Variants in DACH2 observed in about 807,000 individuals in gnomAD.
The protein encoded by DACH2 is dachshund family transcription factor 2, also known as dachshund homolog 2.
In DACH2, 17 loss-of-function variants were observed where a neutral mutation model predicts 35.8. The ratio of observed to expected loss-of-function variants is 0.48; its 90% CI spans 0.33 to 0.71. The LOEUF (loss-of-function observed/expected upper bound fraction) is 0.71, where lower values mean the gene tolerates loss of function less well. Ranked by LOEUF, DACH2 falls within the 30% of genes least tolerant of loss-of-function variation. The pLI is 0.02. For synonymous variants in DACH2, 195 were observed against 177.3 expected, an observed-to-expected ratio of 1.10 and a Z score of -0.79; for missense variants, 469 against 472.7, an observed-to-expected ratio of 0.99 and a Z score of 0.07.
At chrX:86,154,290 A>G (rs972366687) in intron 1 of DACH2, among the ~76,000 whole-genome samples, 1 of 111,679 alleles carries the variant, frequency 9.0e-6, no homozygotes, top group Non-Finnish European at 1.9e-5. Context: ...TTAAATATGT[A>G]TTAAAACCAT....
intron 1 of DACH2, among the ~76,000 whole-genome samples, chrX:86,326,845 G>A (rs895497856): frequency 1.8e-5 from 2 of 111,697 alleles, no homozygotes; most frequent in Admixed American, 1.9e-4. Flanking sequence ...GTAAATTTCA[G>A]GTTGGTTGTG....
intron 2 of DACH2, among the ~76,000 whole-genome samples, chrX:86,435,343 AAT>A (rs1453621395): frequency 8.9e-6 from 1 of 111,866 alleles, no homozygotes; most frequent in Non-Finnish European, 1.9e-5. Flanking sequence ...AGTTTGGTTA[AAT>A]ATAAAATTCT....
intron 1 of DACH2, among the ~76,000 whole-genome samples, chrX:86,283,273 CT>C (rs1346564845): frequency 9.0e-6 from 1 of 111,378 alleles, no homozygotes; most frequent in Non-Finnish European, 1.9e-5. Flanking sequence ...CACTTTTACA[CT>C]GTTGGTTGGA....
chrX:86,202,733 G>T (rs1247711823), intron 1 of DACH2, among the ~76,000 whole-genome samples: 2 of 111,019 alleles, frequency 1.8e-5, no homozygotes, highest in African/African-American at 6.5e-5. Flanking sequence ...TGCTCAAAGA[G>T]ATTTTGAGGA....
Position 86,411,020 on chromosome X carries a change from T to TTATA in DACH2, c.527+34174_527+34177dup, listed in dbSNP as rs36194671. ...CTCTAGAGGGACAGAACTAATATGA[T>TTATA]TATATATATATATATATATGTATAT... On this transcript the variant is annotated intron_variant, in intron 2 of 11. Coordinates refer to ENST00000373125, the MANE Select transcript of DACH2 (RefSeq NM_053281.3). Among the ~76,000 whole-genome samples, 78 of 40,508 alleles carry TTATA rather than the reference T, an allele frequency of 1.9e-3. 6 individuals are homozygous for TTATA. The highest frequency in any genetic ancestry group is 5.3e-3 in the African/African-American group (57 of 10,819). 35.2% of individuals were successfully genotyped at this position (40,508 alleles called of 115,157 possible). A position where few individuals can be genotyped will look rare whatever the true frequency, so the allele number is the denominator to read the frequency against.
intron 2 of DACH2, among the ~76,000 whole-genome samples, chrX:86,495,785 G>A (rs191689812): frequency 2.8e-5 from 3 of 108,329 alleles, no homozygotes; most frequent in African/African-American, 1.0e-4. Context: ...TGATCATACC[G>A]CTGCACTCTA....
chrX:86,410,914 A>T (rs1430390080), intron 2 of DACH2, among the ~76,000 whole-genome samples: 1 of 104,564 alleles, frequency 9.6e-6, no homozygotes, highest in Non-Finnish European at 1.9e-5. Flanking sequence ...TCTTTTTGCC[A>T]CATTTGCTTT....
intron 3 of DACH2, among the ~76,000 whole-genome samples, chrX:86,648,725 A>G (rs1215938499): frequency 9.0e-6 from 1 of 110,918 alleles, no homozygotes; most frequent in African/African-American, 3.3e-5. Context: ...CAAGTTGTAC[A>G]CATTATATAT....
intron 3 of DACH2, among the ~76,000 whole-genome samples, chrX:86,601,313 C>T (rs770451248): frequency 2.7e-5 from 3 of 111,675 alleles, no homozygotes; most frequent in Middle Eastern, 4.6e-3. Context: ...AATATAGAAA[C>T]TTTCAGAATT....
chrX:86,714,667 G>C lies in DACH2; in HGVS notation c.1051G>C (p.Ala351Pro), dbSNP rs1222524076. 1 of 1,204,128 alleles carries C rather than the reference G, an allele frequency of 8.3e-7. No homozygotes were observed. The highest frequency in any genetic ancestry group is 1.8e-5 in the South Asian group (1 of 55,693). ...TCTCAATACTATTGCCAACATGGCT[G>C]CTGCAGCACAGATTCACAGTCCACT... ...NHLNTIANMA[A>P]AAQIHSPLSR... Residue 351 changes from alanine (A) to proline (P), a missense_variant, in exon 6 of 12, where the codon GCT becomes CCT. Around this residue, in one of 3 missense-constraint regions of DACH2, gnomAD observed 363 missense variants for 334.4 expected, o/e 1.09. Coordinates refer to ENST00000373125, the MANE Select transcript of DACH2 (RefSeq NM_053281.3).
chrX:86,305,177 C>T, intron 1 of DACH2: 1 of 128,543 alleles, frequency 7.8e-6, no homozygotes. Context: ...TATATCTCTC[C>T]TTCTGTACAA....
intron 4 of DACH2, among the ~76,000 whole-genome samples, chrX:86,657,215 C>T (rs2040553588): frequency 1.8e-5 from 2 of 109,607 alleles, no homozygotes; most frequent in South Asian, 7.7e-4. Context: ...TTTAGTTGTA[C>T]ATTTAAATAT....
chrX:86,284,793 A>G (rs1239528375), intron 1 of DACH2, among the ~76,000 whole-genome samples: 1 of 109,140 alleles, frequency 9.2e-6, no homozygotes, highest in East Asian at 2.9e-4. Flanking sequence ...TGTTACTTTG[A>G]TCTCATTTCG....
chrX:86,200,253 C>A (rs2032114488), intron 1 of DACH2, among the ~76,000 whole-genome samples: 1 of 110,932 alleles, frequency 9.0e-6, no homozygotes, highest in African/African-American at 3.3e-5. Context: ...TGAAGCTAGA[C>A]CCCTTCCTTA....
intron 2 of DACH2, among the ~76,000 whole-genome samples, chrX:86,405,058 C>G (rs767615220): frequency 1.6e-4 from 18 of 111,573 alleles, no homozygotes; most frequent in Admixed American, 3.8e-4. Context: ...CAAGGCTGCA[C>G]ATGGCAGGGG....
At chrX:86,445,307 A>G (rs1202733018) in intron 2 of DACH2, among the ~76,000 whole-genome samples, 4 of 81,834 alleles carry the variant, frequency 4.9e-5, no homozygotes, top group Non-Finnish European at 9.0e-5. Flanking sequence ...GAATTGAACA[A>G]TGAGATCACA....
intron 1 of DACH2, among the ~76,000 whole-genome samples, chrX:86,272,437 A>G (rs2033831715): frequency 9.0e-6 from 1 of 111,529 alleles, no homozygotes. Flanking sequence ...TAGAGTTTAC[A>G]GGTAAGACAA....
intron 4 of DACH2, among the ~76,000 whole-genome samples, chrX:86,662,781 C>G (rs1234782615): frequency 9.0e-6 from 1 of 111,374 alleles, no homozygotes; most frequent in Non-Finnish European, 1.9e-5. Context: ...ATTTTTTTCT[C>G]TTCTCTTCTG....
At chrX:86,261,718 G>T (rs895523578) in intron 1 of DACH2, among the ~76,000 whole-genome samples, 10 of 111,222 alleles carry the variant, frequency 9.0e-5, no homozygotes, top group Admixed American at 2.9e-4. Context: ...CACTTGCTGA[G>T]CACCTAATAG....
Sources: gnomAD v4.1 joint callset for allele counts (sites outside exome capture counted in the v4.1 genomes callset) on GRCh38, gnomAD v4.1.1 for gene constraint, gnomAD v4.1.1 regional missense constraint, MANE v1.5 for transcripts, NCBI Gene and HGNC (gene_info 2026-07-23, HGNC 2026-07-21) for gene names.